Variants in MBD6 observed in about 807,000 individuals in gnomAD.
The protein encoded by MBD6 is methyl-CpG binding domain protein 6, also known as methyl-CpG-binding domain protein 6.
MBD6 carries 22 observed loss-of-function variants against 66.8 expected under a neutral mutation model. The observed-to-expected ratio is 0.33, with a 90% CI of 0.24 to 0.47. The LOEUF is 0.47. Ranked by LOEUF, MBD6 falls within the 20% of genes least tolerant of loss-of-function variation. The pLI is 1.00. For synonymous variants in MBD6, 540 were observed against 534.6 expected, an observed-to-expected ratio of 1.01 and a Z score of -0.14; for missense variants, 1,322 against 1,286.9, an observed-to-expected ratio of 1.03 and a Z score of -0.42.
chr12:57,522,775 C>A, upstream of MBD6: 1 of 159,522 alleles, frequency 6.3e-6, no homozygotes, highest in Non-Finnish European at 1.3e-5. Flanking sequence ...GCGGCGGCAG[C>A]GGCAGCAGCC....
In MBD6 at chr12:57,526,005, C is replaced by T. The variant is rs780069879; in HGVS notation, c.1037C>T (p.Pro346Leu). 3.7e-6 allele frequency: 6 copies of T among 1,613,752 alleles called. No homozygotes were observed. Among genetic ancestry groups the T allele is most frequent in the Admixed American group, 3.3e-5 (2 of 60,000 alleles). Residue 346 changes from proline (P) to leucine (L), a missense_variant, in exon 6 of 13, where the codon CCC becomes CTC. By Grantham distance (98) the Pro-to-Leu change is moderately conservative. Transcript: ENST00000355673. The part of the protein sequence containing the change: ...PPPSTLQGRR[P>L]RAQAPSASHS... Reference sequence around the variant, plus strand: ...CCCAGCACTTTACAGGGCCGAAGGCCCCGTGCCCAGGCACCCTCAGCTTCC... The same window carrying T: ...CCCAGCACTTTACAGGGCCGAAGGCTCCGTGCCCAGGCACCCTCAGCTTCC...
At position 57,525,528 on chromosome 12, in the gene MBD6, C is replaced by T. The variant is rs773594377; in HGVS notation, c.560C>T (p.Pro187Leu). The T allele has an allele frequency of 1.9e-6, 3 of 1,590,776 alleles. No homozygotes were observed. The highest frequency in any genetic ancestry group is 2.7e-5 in the African/African-American group (2 of 74,108). ...GCAGGCCCTGGGGGGCTTTTCCCCC[C>T]AAGGCTTGCTGACCCAGTCCCTTCT... is the stretch of plus-strand genomic sequence containing the variant. Reference protein sequence around the residue: ...TLAGPGGLFPPRLADPVPSGG... With the variant: ...TLAGPGGLFPLRLADPVPSGG... The change falls in exon 6 of 13, where the codon CCA becomes CTA. Residue 187 changes from proline to leucine, a missense_variant. Physicochemically the swap from Pro to Leu is moderately conservative, Grantham distance 98 (BLOSUM62 -3). Transcript: ENST00000355673.
Position 57,528,253 on chromosome 12 carries a change from A to T in MBD6, c.2513A>T (p.His838Leu). The T allele has an allele frequency of 6.2e-7, 1 of 1,605,736 alleles. No individual in the cohort carries two copies. ...CCCCTCAGTGCCTTAGCCCCACCCC[A>T]TGGTTCTCCCGACCCCCCAGTCCCT... ...RPPLSALAPPHGSPDPPVPEL... is the reference protein window; with the variant it reads ...RPPLSALAPPLGSPDPPVPEL... The change falls in exon 10 of 13, where the codon CAT (histidine) becomes CTT (leucine). Residue 838 changes from histidine to leucine, a missense_variant. Physicochemically the swap from His to Leu is moderately conservative, Grantham distance 99. Coordinates refer to ENST00000355673, the MANE Select transcript of MBD6 (RefSeq NM_052897.4).
rs201149080 is a variant in MBD6 at position 57,526,737 on chromosome 12, G to A, written c.1592G>A (p.Gly531Glu). The A allele has an allele frequency of 6.4e-7, 1 of 1,574,800 alleles. No homozygotes were observed. Among genetic ancestry groups the A allele is most frequent in the African/African-American group, 1.3e-5 (1 of 74,120 alleles). The change falls in exon 7 of 13, where the codon GGA becomes GAA. Residue 531 changes from glycine (G) to glutamate (E), a missense_variant. Gly to Glu is a moderately conservative substitution (Grantham distance 98). Transcript: ENST00000355673. ...PSPEQGLALS[G>E]AGFPGMLGAL... ...CCTGAGCAGGGCCTGGCACTGAGTG[G>A]AGCTGGCTTCCCTGGGATGCTTGGG...
At chr12:57,522,694 C>A (rs1174899816), upstream of MBD6, 1 of 151,716 alleles carries the variant, frequency 6.6e-6, no homozygotes, top group Non-Finnish European at 1.5e-5. Context: ...GGGGCCCGGC[C>A]CCGCCCCTCT....
In MBD6 at chr12:57,526,640, C is replaced by A. The variant is rs781272921; in HGVS notation, c.1495C>A (p.Leu499Met). 1.3e-6 allele frequency: 2 copies of A among 1,514,962 alleles called. No homozygotes were observed. The highest frequency in any genetic ancestry group is 1.8e-6 in the Non-Finnish European group (2 of 1,132,814). 93.8% of individuals were successfully genotyped at this position (1,514,962 alleles called of 1,614,324 possible). ...TGTGCTTCAAAGCCCATCCGAAGGA[C>A]TGGGGATGGGGGCAGGCCCGGCCTG... ...SPVLQSPSEG[L>M]GMGAGPACPL... The change falls in exon 7 of 13, where the codon CTG (leucine) becomes ATG (methionine). Residue 499 changes from leucine to methionine, a missense_variant. Physicochemically the swap from Leu to Met is conservative, Grantham distance 15. Transcript: ENST00000355673.
chr12:57,525,624 C>T lies in MBD6; in HGVS notation c.656C>T (p.Ala219Val), dbSNP rs759983542. 48 of 1,613,682 alleles carry T rather than the reference C, an allele frequency of 3.0e-5. No homozygotes were observed. The East Asian group carries it at 4.9e-4, about 16-fold the overall frequency. The stretch of plus-strand genomic sequence containing the variant: ...TCTCCAGCCCCACCTCCTCCACCTG[C>T]TATCAGCCTCAATGCTCCCTCATAC... ...APSPAPPPPP[A>V]ISLNAPSYNW... The change falls in exon 6 of 13, where the codon GCT (alanine) becomes GTT (valine). Residue 219 changes from alanine (A) to valine (V), a missense_variant. Physicochemically the swap from Ala to Val is moderately conservative, Grantham distance 64. Coordinates refer to ENST00000355673, the MANE Select transcript of MBD6 (RefSeq NM_052897.4).
In MBD6 at chr12:57,527,495, C is replaced by G. The variant is rs961483951; in HGVS notation, c.2083-12C>G. On this transcript the variant is annotated splice_polypyrimidine_tract_variant and intron_variant, in intron 7 of 12. Transcript: ENST00000355673. Reference sequence around the variant, plus strand: ...TACACGCGTAAGTGTTAGAATCATTCTTTTTTCTTAGCCCTGTGTCCTGAG... The same window carrying G: ...TACACGCGTAAGTGTTAGAATCATTGTTTTTTCTTAGCCCTGTGTCCTGAG... 6.2e-7 allele frequency: 1 copy of G among 1,613,918 alleles called. No individual in the cohort carries two copies. Among genetic ancestry groups the G allele is most frequent in the East Asian group, 2.2e-5 (1 of 44,878 alleles).
rs1879398362 is a variant in MBD6, at chr12:57,529,434, C to CCCCCCCCCCCCCCCCCCA, written c.*204_*205insCCCCCCCCCCCCCACCCC. ...GGGAAGTTCACCCCCCCCCACCACC[C>CCCCCCCCCCCCCCCCCCA]CCCCGCCCCCCCGAAGCCATGTCAC... is the stretch of plus-strand genomic sequence containing the variant. On this transcript the variant is annotated 3_prime_UTR_variant, in exon 13 of 13. Coordinates refer to ENST00000355673, the MANE Select transcript of MBD6 (RefSeq NM_052897.4). 1.8e-6 allele frequency: 1 copy of CCCCCCCCCCCCCCCCCCA among 544,108 alleles called. No homozygotes were observed. 33.7% of individuals were successfully genotyped at this position (544,108 alleles called of 1,614,324 possible). A position where few individuals can be genotyped will look rare whatever the true frequency, so the allele number is the denominator to read the frequency against.
downstream of MBD6, among the ~76,000 whole-genome samples, chr12:57,530,936 A>T (rs1257078162): frequency 6.6e-6 from 1 of 152,204 alleles, no homozygotes; most frequent in African/African-American, 2.4e-5. Flanking sequence ...CTACCCTTAG[A>T]GTACATAGAC....
chr12:57,527,247 G>T lies in MBD6; in HGVS notation c.2082+20G>T. 1 of 1,451,222 alleles carries T rather than the reference G, an allele frequency of 6.9e-7. No homozygotes were observed. Among genetic ancestry groups the T allele is most frequent in the Non-Finnish European group, 9.2e-7 (1 of 1,083,340 alleles). 89.9% of individuals were successfully genotyped at this position (1,451,222 alleles called of 1,614,324 possible). A position where few individuals can be genotyped will look rare whatever the true frequency, so the allele number is the denominator to read the frequency against. ...CCCCAGGTGAGGATGGGGGTGAGTA[G>T]GTGGGACAGAACAAGATGTAGAATA... On this transcript the variant is annotated intron_variant, in intron 7 of 12. Coordinates refer to ENST00000355673, the MANE Select transcript of MBD6 (RefSeq NM_052897.4).
rs772938095 is a variant in MBD6 at position 57,524,099 on chromosome 12, G to A, written c.-25+7G>A. 9.9e-5 allele frequency: 42 copies of A among 422,814 alleles called. No homozygotes were observed. In the South Asian group the frequency reaches 1.0e-3, roughly 10 times the overall value. 26.2% of individuals were successfully genotyped at this position (422,814 alleles called of 1,614,324 possible). A position where few individuals can be genotyped will look rare whatever the true frequency, so the allele number is the denominator to read the frequency against. On this transcript the variant is annotated splice_region_variant and intron_variant, in intron 2 of 12. Coordinates refer to ENST00000355673, the MANE Select transcript of MBD6 (RefSeq NM_052897.4). Reference sequence around the variant, plus strand: ...TGTTTGCAGAGATGTTCAGGTAGCTGTGGTGATACGGCAGAGGACTCCTCA... The same window carrying A: ...TGTTTGCAGAGATGTTCAGGTAGCTATGGTGATACGGCAGAGGACTCCTCA...
chr12:57,528,338 G>A lies in MBD6; in HGVS notation c.2598G>A (p.Arg866=). 1 of 1,611,044 alleles carries A rather than the reference G, an allele frequency of 6.2e-7. No individual in the cohort carries two copies. The highest frequency in any genetic ancestry group is 1.3e-5 in the African/African-American group (1 of 74,988). ...GCCGGAGGGGAGGAGGGGGACTTAG[G>A]GGCATTAATGGTGAGGCCAGGCCAG... ...KRGRRGGGGL[R]GINGEARPAR... Residue 866 remains arginine (R), a synonymous_variant, in exon 10 of 13, where the codon AGG becomes AGA. Coordinates refer to ENST00000355673, the MANE Select transcript of MBD6 (RefSeq NM_052897.4).
At chr12:57,530,513 AC>A, downstream of MBD6, 2 of 530,392 alleles carry the variant, frequency 3.8e-6, no homozygotes, top group Non-Finnish European at 6.6e-6. Context: ...ACCCCTAGCT[AC>A]CACTCTGTAT....
chr12:57,521,427 A>T (rs1414761019), upstream of MBD6, among the ~76,000 whole-genome samples: 1 of 152,174 alleles, frequency 6.6e-6, no homozygotes, highest in African/African-American at 2.4e-5. Context: ...GCGCCACTGC[A>T]CTCCAGCCTG....
chr12:57,524,598 CT>C, intron 3 of MBD6, 121 bp from the exon 4 acceptor site: 1 of 1,108,332 alleles, frequency 9.0e-7, no homozygotes, highest in South Asian at 1.3e-5. Flanking sequence ...TTTTCTGTGT[CT>C]TCCCACATTC....
At chr12:57,522,066 A>G (rs191571963), upstream of MBD6, 28 of 152,174 alleles carry the variant, frequency 1.8e-4, no homozygotes, top group African/African-American at 6.5e-4. Context: ...AACAGAGGCC[A>G]TGTGGTGGCC....
chr12:57,528,901 T>C (rs759575557), intron 11 of MBD6, 45 bp from the exon 12 acceptor site: 2 of 1,613,808 alleles, frequency 1.2e-6, no homozygotes, highest in Non-Finnish European at 1.7e-6. Flanking sequence ...GAAATTCACC[T>C]GGTGCTTGGG....
Position 57,529,261 on chromosome 12 carries a change from C to A in MBD6, c.*27C>A, listed in dbSNP as rs759957608. 5 of 1,613,208 alleles carry A rather than the reference C, an allele frequency of 3.1e-6. No homozygotes were observed. The highest frequency in any genetic ancestry group is 4.2e-6 in the Non-Finnish European group (5 of 1,179,410). On this transcript the variant is annotated 3_prime_UTR_variant, in exon 13 of 13. Coordinates refer to ENST00000355673, the MANE Select transcript of MBD6 (RefSeq NM_052897.4). ...AGCCATACCTGGAGCTGGATCTGAC[C>A]CTGATTGGGGAGAGCTGAGTGCTGA... is the stretch of plus-strand genomic sequence containing the variant.
Sources: allele counts gnomAD v4.1 joint callset (sites outside exome capture counted in the v4.1 genomes callset), GRCh38; gene constraint gnomAD v4.1.1; transcripts MANE v1.5; gene names NCBI Gene and HGNC (gene_info 2026-07-23, HGNC 2026-07-21).